Variants in HRH1 observed in about 807,000 individuals in gnomAD.
HRH1 encodes histamine receptor H1, also known as histamine H1 receptor.
In HRH1, 6 loss-of-function variants were observed where a neutral mutation model predicts 10.3. The observed-to-expected ratio is 0.58, with a 90% CI of 0.32 to 1.15. The LOEUF (loss-of-function observed/expected upper bound fraction) is 1.15. HRH1 is among the 50% of genes most tolerant of loss of function. The pLI, the probability that HRH1 is intolerant of heterozygous loss-of-function variation, is 0.05. For missense variants in HRH1, 514 were observed against 615.3 expected (o/e 0.84, Z 1.74); for synonymous variants, 242 against 236.7 (o/e 1.02, Z -0.21).
intron 1 of HRH1, among the ~76,000 whole-genome samples, chr3:11,257,510 A>G (rs1444471651): frequency 1.3e-5 from 2 of 151,938 alleles, no homozygotes; most frequent in Non-Finnish European, 2.9e-5. Context: ...TAGTGAGCCA[A>G]GATGGTGCCA....
intron 1 of HRH1, among the ~76,000 whole-genome samples, chr3:11,219,947 GTTGT>G (rs1220226525): frequency 2.6e-4 from 27 of 102,758 alleles, no homozygotes; most frequent in South Asian, 2.2e-3. Context: ...AACTTAATGT[GTTGT>G]TTTTTTTTTT....
intron 1 of HRH1, among the ~76,000 whole-genome samples, chr3:11,257,799 G>T (rs1223960583): frequency 2.0e-5 from 3 of 152,130 alleles, no homozygotes; most frequent in Non-Finnish European, 4.4e-5. Context: ...GACTATAGGT[G>T]TATTATAGGA....
chr3:11,216,045 G>A (rs2125037133), intron 1 of HRH1, among the ~76,000 whole-genome samples: 1 of 152,256 alleles, frequency 6.6e-6, no homozygotes, highest in South Asian at 2.1e-4. Flanking sequence ...GGACTTGCAT[G>A]TAGTTCCCAG....
intron 1 of HRH1, among the ~76,000 whole-genome samples, chr3:11,222,620 T>C (rs347606): frequency 0.28 from 43,062 of 151,752 alleles, 7,683 homozygotes; most frequent in Non-Finnish European, 0.41. Context: ...AAGAAGAAGA[T>C]GGCAGGCTGA....
At chr3:11,243,419 TGGA>T (rs1198726329) in intron 1 of HRH1, among the ~76,000 whole-genome samples, 1 of 152,212 alleles carries the variant, frequency 6.6e-6, no homozygotes. Context: ...CCCATTTAGT[TGGA>T]GGAGAATCAG....
chr3:11,164,513 GTGTTT>G (rs55637138), intron 1 of HRH1, among the ~76,000 whole-genome samples: 39 of 151,512 alleles, frequency 2.6e-4, no homozygotes, highest in East Asian at 9.8e-4. Flanking sequence ...GAAATTGATG[GTGTTT>G]TGTTTTGTTT....
chr3:11,184,267 C>T (rs183930740), intron 1 of HRH1, among the ~76,000 whole-genome samples: 25 of 152,310 alleles, frequency 1.6e-4, no homozygotes, highest in Admixed American at 1.5e-3. Context: ...TTAATCTTCA[C>T]ACAACCTATG....
chr3:11,179,456 T>C (rs1396834972), intron 1 of HRH1, among the ~76,000 whole-genome samples: 2 of 149,978 alleles, frequency 1.3e-5, no homozygotes, highest in African/African-American at 4.9e-5. Flanking sequence ...CCGTCTCTAC[T>C]AAAAATACAA....
In HRH1 at chr3:11,258,242, C is replaced by CA. The variant is rs33992856; in HGVS notation, c.-35-739dup. Among the ~76,000 whole-genome samples, 546 of 76,062 alleles carry CA rather than the reference C, an allele frequency of 7.2e-3. 5 individuals carry two copies. The highest frequency in any genetic ancestry group is 0.01 in the Non-Finnish European group (439 of 41,888). The allele number at this position is 76,062 out of a possible 152,430, so 49.9% of individuals were successfully genotyped here. ...GAACTGCCACAACAGTGATGTAAGC[C>CA]AAAAAAAAAAAAAAAAAAAAAAGCA... is the stretch of plus-strand genomic sequence containing the variant. On this transcript the variant is annotated intron_variant, in intron 1 of 1. Coordinates refer to ENST00000431010, the MANE Select transcript of HRH1 (RefSeq NM_001098212.2).
chr3:11,183,738 G>T (rs943414876), intron 1 of HRH1, among the ~76,000 whole-genome samples: 1 of 149,894 alleles, frequency 6.7e-6, no homozygotes, highest in Non-Finnish European at 1.5e-5. Context: ...TTTTTTTTAA[G>T]AAGGAGTCTC....
intron 1 of HRH1, among the ~76,000 whole-genome samples, chr3:11,225,400 G>T (rs1938849180): frequency 6.6e-6 from 1 of 152,204 alleles, no homozygotes; most frequent in Non-Finnish European, 1.5e-5. Context: ...AAGATATGTA[G>T]GCCTAGTCAG....
At chr3:11,186,107 C>G (rs971559187) in intron 1 of HRH1, among the ~76,000 whole-genome samples, 1 of 152,110 alleles carries the variant, frequency 6.6e-6, no homozygotes, top group Non-Finnish European at 1.5e-5. Flanking sequence ...CAAGCAAGAT[C>G]GAGCCCTGTT....
chr3:11,224,853 A>C (rs982354855), intron 1 of HRH1, among the ~76,000 whole-genome samples: 11 of 152,144 alleles, frequency 7.2e-5, no homozygotes, highest in African/African-American at 2.4e-4. Context: ...CCACTTCCAA[A>C]GGTTGCTGTG....
At position 11,180,948 on chromosome 3, in the gene HRH1, T is replaced by TACACACACACACACACACACAC. The variant is rs71055851; in HGVS notation, c.-36+26425_-36+26446dup. On this transcript the variant is annotated intron_variant, in intron 1 of 1. Transcript: ENST00000431010. ...TGTGGACATACACTTCTCTCAGGCA[T>TACACACACACACACACACACAC]ACACACACACACACACACACACACA... 1.5e-4 allele frequency among the ~76,000 whole-genome samples: 18 copies of TACACACACACACACACACACAC among 121,118 alleles called. 1 individual carries two copies. The highest frequency in any genetic ancestry group is 4.0e-4 in the African/African-American group (13 of 32,558). The allele number at this position is 121,118 out of a possible 152,430, so 79.5% of individuals were successfully genotyped here. A position where few individuals can be genotyped will look rare whatever the true frequency, so the allele number is the denominator to read the frequency against.
chr3:11,183,855 C>CTTT (rs60566877), intron 1 of HRH1, among the ~76,000 whole-genome samples: 1,068 of 91,894 alleles, frequency 0.012, 40 homozygotes, highest in African/African-American at 0.038. Context: ...GGAAAGCTTG[C>CTTT]TTTTTTTTTT....
At chr3:11,225,010 G>T (rs1938837292) in intron 1 of HRH1, among the ~76,000 whole-genome samples, 1 of 152,162 alleles carries the variant, frequency 6.6e-6, no homozygotes, top group African/African-American at 2.4e-5. Context: ...AGTAGGCAAC[G>T]TCAAAGTGGA....
At chr3:11,246,806 G>C (rs1260231505) in intron 1 of HRH1, among the ~76,000 whole-genome samples, 1 of 152,108 alleles carries the variant, frequency 6.6e-6, no homozygotes, top group Non-Finnish European at 1.5e-5. Flanking sequence ...AGCACTTTGG[G>C]AGGCTTAGGA....
rs150110083 is a variant in HRH1, at chr3:11,204,500, A to G, written c.-36+49946A>G. Among the ~76,000 whole-genome samples, 480 of 152,252 alleles carry G rather than the reference A, an allele frequency of 3.2e-3. 2 individuals are homozygous for G. The highest frequency in any genetic ancestry group is 0.011 in the African/African-American group (460 of 41,544). Reference sequence around the variant, plus strand: ...GGAGCTTAGAGCCTTCCCAGGACTCAGAAGTGTGTATGGCCAGAGCATGGA... The same window carrying G: ...GGAGCTTAGAGCCTTCCCAGGACTCGGAAGTGTGTATGGCCAGAGCATGGA... On this transcript the variant is annotated intron_variant, in intron 1 of 1. Coordinates refer to ENST00000431010, the MANE Select transcript of HRH1 (RefSeq NM_001098212.2).
At chr3:11,228,144 A>G (rs1023175338) in intron 1 of HRH1, among the ~76,000 whole-genome samples, 1 of 152,204 alleles carries the variant, frequency 6.6e-6, no homozygotes, top group Non-Finnish European at 1.5e-5. Context: ...TTCATCACTT[A>G]CTGAACTCCT....
Sources: allele counts gnomAD v4.1 joint callset (sites outside exome capture counted in the v4.1 genomes callset), GRCh38; gene constraint gnomAD v4.1.1; transcripts MANE v1.5; gene names NCBI Gene and HGNC (gene_info 2026-07-23, HGNC 2026-07-21).